Variants in GRIK3 observed in about 807,000 individuals in gnomAD.
GRIK3 encodes glutamate ionotropic receptor kainate type subunit 3.
GRIK3 carries 29 observed loss-of-function variants against 102.5 expected under a neutral mutation model. The ratio of observed to expected loss-of-function variants is 0.28; its 90% confidence interval spans 0.21 to 0.39. The LOEUF (loss-of-function observed/expected upper bound fraction) is 0.39. Ranked by LOEUF, GRIK3 falls within the 10% of genes least tolerant of loss-of-function variation. GRIK3 has a pLI of 1.00. For missense variants in GRIK3, 908 were observed against 1,252.4 expected (o/e 0.73, Z 4.15); for synonymous variants, 511 against 504.9 (o/e 1.01, Z -0.16).
intron 1 of GRIK3, among the ~76,000 whole-genome samples, chr1:36,968,812 T>A (rs1023671362): frequency 1.3e-5 from 2 of 152,250 alleles, no homozygotes; most frequent in Non-Finnish European, 2.9e-5. Context: ...GGAGCAGATG[T>A]GCCTGTCGGG....
At chr1:36,985,838 A>C (rs896809418) in intron 1 of GRIK3, among the ~76,000 whole-genome samples, 2 of 152,200 alleles carry the variant, frequency 1.3e-5, no homozygotes, top group Middle Eastern at 3.4e-3. Context: ...CCTGCTGTGC[A>C]CATCACACTT....
chr1:36,945,489 C>A, intron 1 of GRIK3, among the ~76,000 whole-genome samples: 2 of 152,290 alleles, frequency 1.3e-5, no homozygotes, highest in South Asian at 4.2e-4. Flanking sequence ...CAGAGACTTG[C>A]GACGTCATTT....
chr1:36,970,592 A>C (rs1642130301), intron 1 of GRIK3, among the ~76,000 whole-genome samples: 1 of 152,168 alleles, frequency 6.6e-6, no homozygotes, highest in African/African-American at 2.4e-5. Flanking sequence ...AGGTCAGTGA[A>C]TCCTACCACT....
At chr1:36,960,218 G>A (rs1641990300) in intron 1 of GRIK3, among the ~76,000 whole-genome samples, 1 of 148,182 alleles carries the variant, frequency 6.7e-6, no homozygotes, top group Non-Finnish European at 1.5e-5. Flanking sequence ...ATGAGCCTGT[G>A]TGCCCTGTGA....
rs551671297 is a variant in GRIK3 at position 37,027,241 on chromosome 1, G to A, written c.115+6753C>T. On this transcript the variant is annotated intron_variant, in intron 1 of 15. Transcript: ENST00000373091. Reference sequence around the variant, plus strand: ...TAAAACAAAGGAAGGAAGGGCAGACGGCTCTAGGGGCATGGCTGCTATGAA... The same window carrying A: ...TAAAACAAAGGAAGGAAGGGCAGACAGCTCTAGGGGCATGGCTGCTATGAA... 3.3e-4 allele frequency among the ~76,000 whole-genome samples: 51 copies of A among 152,244 alleles called. No individual in the cohort carries two copies. In the South Asian group the frequency reaches 7.9e-3, roughly 24 times the overall value.
At chr1:36,928,126 G>T (rs531722533) in intron 1 of GRIK3, among the ~76,000 whole-genome samples, 1 of 152,176 alleles carries the variant, frequency 6.6e-6, no homozygotes, top group South Asian at 2.1e-4. Flanking sequence ...GAAGGCCCTT[G>T]GGTCATCTCT....
At chr1:36,835,595 G>T (rs568395257) in intron 10 of GRIK3, among the ~76,000 whole-genome samples, 15 of 152,106 alleles carry the variant, frequency 9.9e-5, no homozygotes, top group African/African-American at 3.6e-4. Flanking sequence ...TTGAGTAATG[G>T]CATAATCCCC....
Position 37,033,986 on chromosome 1 carries a change from G to A in GRIK3, c.115+8C>T, listed in dbSNP as rs780634165. 9.1e-6 allele frequency: 14 copies of A among 1,543,520 alleles called. No homozygotes were observed. In the African/African-American group the frequency reaches 1.7e-4, roughly 18 times the overall value. On this transcript the variant is annotated splice_region_variant and intron_variant, in intron 1 of 15. Transcript: ENST00000373091. ...GCACGGAGACCCCCGGCTCCAGGGA[G>A]CGCTTACCGATCCGGATGACGTGGG... is the stretch of plus-strand genomic sequence containing the variant.
intron 1 of GRIK3, among the ~76,000 whole-genome samples, chr1:36,900,635 TC>T (rs757787837): frequency 9.9e-5 from 15 of 152,018 alleles, no homozygotes; most frequent in Non-Finnish European, 1.6e-4. Flanking sequence ...AGTTTCTACC[TC>T]AGGAAACTAG....
intron 14 of GRIK3, 131 bp downstream of exon 14, chr1:36,805,972 GA>G (rs1293840150): frequency 8.8e-6 from 3 of 341,228 alleles, no homozygotes; most frequent in Middle Eastern, 8.5e-4. Flanking sequence ...GAAAAGAACA[GA>G]AAAAAAAGAG....
At chr1:36,964,960 C>T (rs1557444181) in intron 1 of GRIK3, among the ~76,000 whole-genome samples, 1 of 152,174 alleles carries the variant, frequency 6.6e-6, no homozygotes, top group Non-Finnish European at 1.5e-5. Flanking sequence ...TGTTAATTCC[C>T]CCAATTATAA....
At position 36,885,130 on chromosome 1, in the gene GRIK3, T is replaced by C. The variant is rs140469817; in HGVS notation, c.293-4239A>G. Among the ~76,000 whole-genome samples the C allele has an allele frequency of 6.2e-4, 94 of 152,342 alleles. 1 individual carries two copies. Among genetic ancestry groups the C allele is most frequent in the African/African-American group, 2.2e-3 (91 of 41,576 alleles). ...ATTGCTGAGGGTGAAATTAATCATG[T>C]TGATGTTGTGATAGTAATGGCGGGA... On this transcript the variant is annotated intron_variant, in intron 2 of 15. Coordinates refer to ENST00000373091, the MANE Select transcript of GRIK3 (RefSeq NM_000831.4).
At chr1:36,911,811 G>C (rs768178518) in intron 1 of GRIK3, among the ~76,000 whole-genome samples, 6 of 152,086 alleles carry the variant, frequency 3.9e-5, no homozygotes, top group African/African-American at 2.4e-5. Context: ...GAGCTGTGGA[G>C]GGGCCCTGTG....
chr1:36,883,278 GAAA>G (rs1266989993), intron 2 of GRIK3, among the ~76,000 whole-genome samples: 1 of 152,218 alleles, frequency 6.6e-6, no homozygotes, highest in Non-Finnish European at 1.5e-5. Flanking sequence ...TCACAATCTG[GAAA>G]GTCAGGTGAG....
chr1:36,828,084 A>AAC lies in GRIK3; in HGVS notation c.1531-2259_1531-2258insGT, dbSNP rs1553174967. On this transcript the variant is annotated intron_variant, in intron 10 of 15. Coordinates refer to ENST00000373091, the MANE Select transcript of GRIK3 (RefSeq NM_000831.4). Reference sequence around the variant, plus strand: ...TACAAAAGAAAGCAGAAAAAAAAAAAAAAACTCTCAGGGAGGGTGTAGAGT... The same window carrying AAC: ...TACAAAAGAAAGCAGAAAAAAAAAAAACAAAACTCTCAGGGAGGGTGTAGAGT... Among the ~76,000 whole-genome samples the AAC allele has an allele frequency of 6.8e-3, 1,034 of 151,816 alleles. 15 individuals are homozygous for AAC. The highest frequency in any genetic ancestry group is 0.023 in the African/African-American group (959 of 41,256).
At chr1:36,857,570 A>T (rs1013996935) in intron 7 of GRIK3, among the ~76,000 whole-genome samples, 4 of 152,208 alleles carry the variant, frequency 2.6e-5, no homozygotes, top group Non-Finnish European at 4.4e-5. Flanking sequence ...CGGGTGTGGA[A>T]ACTGACTCAG....
At chr1:37,014,833 C>CCTCTTTTCTT (rs1642635805) in intron 1 of GRIK3, among the ~76,000 whole-genome samples, 1 of 115,326 alleles carries the variant, frequency 8.7e-6, no homozygotes, top group African/African-American at 3.2e-5. Context: ...AGCCATTTAG[C>CCTCTTTTCTT]CTCTTTTCTT....
intron 1 of GRIK3, among the ~76,000 whole-genome samples, chr1:37,021,221 T>A (rs1200556284): frequency 6.6e-6 from 1 of 152,150 alleles, no homozygotes; most frequent in East Asian, 1.9e-4. Context: ...GTCTGTTTTT[T>A]TCCCATGGCT....
chr1:37,027,135 G>A (rs944941390), intron 1 of GRIK3, among the ~76,000 whole-genome samples: 3 of 152,018 alleles, frequency 2.0e-5, no homozygotes, highest in Non-Finnish European at 4.4e-5. Context: ...AAGGTCAAAG[G>A]AAGCAAGGAG....
Sources: allele counts gnomAD v4.1 joint callset (sites outside exome capture counted in the v4.1 genomes callset), GRCh38; gene constraint gnomAD v4.1.1; transcripts MANE v1.5; gene names NCBI Gene and HGNC (gene_info 2026-07-23, HGNC 2026-07-21).